APLF: variants seen among roughly 807,000 people sequenced by gnomAD.
APLF encodes the protein aprataxin and PNK-like factor.
APLF carries 61 observed loss-of-function variants against 55.6 expected under a neutral mutation model. That is an observed-to-expected ratio of 1.10 (90% CI 0.89 to 1.36). APLF has a LOEUF of 1.36. Ranked by LOEUF, APLF falls within the 40% of genes most tolerant of loss-of-function variation. The probability of loss-of-function intolerance (pLI) is 0.00; values close to 1 mark genes in which losing one functional copy is unlikely to be tolerated. For missense variants in APLF, 611 were observed against 602.5 expected (o/e 1.01, Z -0.15); for synonymous variants, 207 against 214.8 (o/e 0.96, Z 0.32).
At chr2:68,494,667 T>C (rs1045615928) in intron 2 of APLF, among the ~76,000 whole-genome samples, 10 of 152,080 alleles carry the variant, frequency 6.6e-5, no homozygotes, top group African/African-American at 2.4e-4. Flanking sequence ...CTCCACTCTT[T>C]AGTAGGCCCC....
intron 5 of APLF, among the ~76,000 whole-genome samples, chr2:68,519,100 A>AATT (rs1219308766): frequency 7.6e-6 from 1 of 132,384 alleles, no homozygotes; most frequent in Non-Finnish European, 1.6e-5. Context: ...AATATATAAT[A>AATT]ATATAATATA....
intron 5 of APLF, among the ~76,000 whole-genome samples, chr2:68,520,760 T>C (rs747434071): frequency 2.6e-4 from 39 of 152,082 alleles, no homozygotes; most frequent in Non-Finnish European, 4.9e-4. Flanking sequence ...TCCGGATTTG[T>C]TTCTTTTGCT....
chr2:68,545,582 G>A (rs2104018558), intron 8 of APLF, among the ~76,000 whole-genome samples: 1 of 152,210 alleles, frequency 6.6e-6, no homozygotes, highest in Admixed American at 6.6e-5. Flanking sequence ...AGCTGTTGAT[G>A]CTACCCCAAT....
intron 8 of APLF, 149 bp from the exon 9 acceptor site, chr2:68,567,192 A>G (rs1299251634): frequency 1.6e-6 from 1 of 630,598 alleles, no homozygotes; most frequent in Non-Finnish European, 2.8e-6. Flanking sequence ...CACAGGAAAT[A>G]TTGTAATTAA....
At chr2:68,540,044 C>T (rs185536521) in intron 7 of APLF, among the ~76,000 whole-genome samples, 4 of 152,204 alleles carry the variant, frequency 2.6e-5, no homozygotes, top group East Asian at 1.9e-4. Flanking sequence ...ATGTGCAGAA[C>T]GTGCAGGTTT....
rs1439683471 is a variant in APLF, at chr2:68,578,295, T to C, written c.*273T>C. 3 of 1,150,408 alleles carry C rather than the reference T, an allele frequency of 2.6e-6. No homozygotes were observed. Among genetic ancestry groups the C allele is most frequent in the Non-Finnish European group, 3.2e-6 (3 of 930,740 alleles). 71.3% of individuals were successfully genotyped at this position (1,150,408 alleles called of 1,614,324 possible). On this transcript the variant is annotated 3_prime_UTR_variant, in exon 10 of 10. Coordinates refer to ENST00000303795, the MANE Select transcript of APLF (RefSeq NM_173545.3). ...GTAAAAATGGATATTTTTTATGTAC[T>C]TTGTATATTGGTAATAAAAAGTAAA...
At chr2:68,473,766 G>A (rs1675690261) in intron 1 of APLF, among the ~76,000 whole-genome samples, 1 of 152,166 alleles carries the variant, frequency 6.6e-6, no homozygotes, top group African/African-American at 2.4e-5. Context: ...CAAAAATACA[G>A]CAGTCAACAC....
chr2:68,557,589 T>G (rs1016470893), intron 8 of APLF, among the ~76,000 whole-genome samples: 12 of 152,210 alleles, frequency 7.9e-5, no homozygotes, highest in African/African-American at 2.4e-4. Context: ...ATCAGTCATG[T>G]GATGCTATCA....
At chr2:68,486,778 A>G (rs1341520684) in intron 1 of APLF, among the ~76,000 whole-genome samples, 5 of 152,182 alleles carry the variant, frequency 3.3e-5, no homozygotes, top group South Asian at 2.1e-4. Context: ...TTCTATAAAA[A>G]TTGGAATTCT....
At chr2:68,528,478 C>A (rs1670146673) in intron 6 of APLF, 1 of 1,533,904 alleles carries the variant, frequency 6.5e-7, no homozygotes, top group Admixed American at 2.0e-5. Context: ...GCAGTGGTGG[C>A]CCCGACAGTT....
At chr2:68,530,917 CT>C (rs1235092974) in intron 6 of APLF, among the ~76,000 whole-genome samples, 1 of 152,168 alleles carries the variant, frequency 6.6e-6, no homozygotes. Context: ...GGGAGGACCA[CT>C]TGACTCTGGT....
chr2:68,485,780 T>C (rs1676144796), intron 1 of APLF, among the ~76,000 whole-genome samples: 1 of 151,670 alleles, frequency 6.6e-6, no homozygotes, highest in South Asian at 2.1e-4. Flanking sequence ...AAATAATCCA[T>C]GATTCATATG....
chr2:68,574,281 T>A lies in APLF; in HGVS notation c.1334-3539T>A, dbSNP rs538032625. Among the ~76,000 whole-genome samples the A allele has an allele frequency of 3.7e-4, 56 of 152,292 alleles. 1 individual carries two copies. The East Asian group carries it at 0.01, about 27-fold the overall frequency. ...CCTTCAGACTCTACTAGCAATTTTTTAAAAAGGAAAGTCATCTAGGTAGCA... is the reference window on the plus strand; with the variant it reads ...CCTTCAGACTCTACTAGCAATTTTTAAAAAAGGAAAGTCATCTAGGTAGCA... On this transcript the variant is annotated intron_variant, in intron 9 of 9. Transcript: ENST00000303795.
chr2:68,578,288 T>A lies in APLF; in HGVS notation c.*266T>A. ...AGGTAGAGTAAAAATGGATATTTTTTATGTACTTTGTATATTGGTAATAAA... is the reference window on the plus strand; with the variant it reads ...AGGTAGAGTAAAAATGGATATTTTTAATGTACTTTGTATATTGGTAATAAA... On this transcript the variant is annotated 3_prime_UTR_variant, in exon 10 of 10. Coordinates refer to ENST00000303795, the MANE Select transcript of APLF (RefSeq NM_173545.3). 1 of 1,174,984 alleles carries A rather than the reference T, an allele frequency of 8.5e-7. No homozygotes were observed. Among genetic ancestry groups the A allele is most frequent in the Non-Finnish European group, 1.1e-6 (1 of 945,802 alleles). The allele number at this position is 1,174,984 out of a possible 1,614,324, so 72.8% of individuals were successfully genotyped here.
At chr2:68,497,184 C>T (rs2103922027) in intron 2 of APLF, among the ~76,000 whole-genome samples, 1 of 152,192 alleles carries the variant, frequency 6.6e-6, no homozygotes, top group East Asian at 1.9e-4. Context: ...CCTCAGGAAG[C>T]TTACAATCAT....
intron 8 of APLF, among the ~76,000 whole-genome samples, chr2:68,565,514 G>GATAGATAGATAGATACATAC (rs60590885): frequency 1.3e-3 from 196 of 149,026 alleles, no homozygotes; most frequent in African/African-American, 4.5e-3. Context: ...TAGACAGATA[G>GATAGATAGATAGATACATAC]ATACATACAT....
intron 8 of APLF, among the ~76,000 whole-genome samples, chr2:68,546,054 A>G (rs1254221404): frequency 1.3e-5 from 2 of 152,078 alleles, no homozygotes; most frequent in African/African-American, 2.4e-5. Context: ...AGTTGTTTCT[A>G]TTTCTGTGAT....
At chr2:68,541,027 A>G (rs927505451) in intron 7 of APLF, among the ~76,000 whole-genome samples, 10 of 152,204 alleles carry the variant, frequency 6.6e-5, no homozygotes, top group Admixed American at 4.6e-4. Flanking sequence ...GTTTATGACA[A>G]AGGTACCACT....
At chr2:68,470,008 C>T (rs1331227102) in intron 1 of APLF, among the ~76,000 whole-genome samples, 2 of 152,118 alleles carry the variant, frequency 1.3e-5, no homozygotes, top group Non-Finnish European at 2.9e-5. Context: ...GGTAGGAAAA[C>T]ACAACAGAGA....
Sources: gnomAD v4.1 joint callset for allele counts (sites outside exome capture counted in the v4.1 genomes callset) on GRCh38, gnomAD v4.1.1 for gene constraint, MANE v1.5 for transcripts, NCBI Gene and HGNC (gene_info 2026-07-23, HGNC 2026-07-21) for gene names.